The following PLPPR1 variants were observed in gnomAD, a reference collection of about 807,000 sequenced individuals.
PLPPR1 encodes phospholipid phosphatase-related protein type 1.
A neutral mutation model predicts 33.1 loss-of-function variants in PLPPR1; 10 were observed. The observed-to-expected ratio is 0.30, with a 90% CI of 0.19 to 0.51. The LOEUF (loss-of-function observed/expected upper bound fraction) is 0.51, where lower values mean the gene tolerates loss of function less well. PLPPR1 is among the 20% of genes least tolerant of loss of function. PLPPR1 has a pLI of 0.97. For synonymous variants in PLPPR1, 151 were observed against 151.0 expected (o/e 1.00, Z 0.00); for missense variants, 304 against 408.1 (o/e 0.74, Z 2.20).
intron 2 of PLPPR1, among the ~76,000 whole-genome samples, chr9:101,263,687 T>C (rs1411810549): frequency 2.0e-5 from 3 of 152,130 alleles, no homozygotes; most frequent in Non-Finnish European, 2.9e-5. Flanking sequence ...AGAGAGATAT[T>C]TATAGTAATC....
chr9:101,102,149 TATTTTA>T lies in PLPPR1; in HGVS notation c.-46+73048_-46+73053del, dbSNP rs1347869978. On this transcript the variant is annotated intron_variant, in intron 1 of 7. Coordinates refer to ENST00000374874, the MANE Select transcript of PLPPR1 (RefSeq NM_207299.2). ...ATTATAGCTTTATTCTTTTTTTTTT[TATTTTA>T]TTATTATACTTTAAGTTTTAGGGTA... Among the ~76,000 whole-genome samples, 263 of 121,654 alleles carry T rather than the reference TATTTTA, an allele frequency of 2.2e-3. 5 individuals carry two copies. Among genetic ancestry groups the T allele is most frequent in the African/African-American group, 8.3e-3 (236 of 28,318 alleles). 79.8% of individuals were successfully genotyped at this position (121,654 alleles called of 152,430 possible).
intron 2 of PLPPR1, among the ~76,000 whole-genome samples, chr9:101,190,847 G>A (rs1826285593): frequency 6.6e-6 from 1 of 152,150 alleles, no homozygotes; most frequent in South Asian, 2.1e-4. Flanking sequence ...AGCACCTACA[G>A]GGAAAAGCTG....
intron 1 of PLPPR1, among the ~76,000 whole-genome samples, chr9:101,099,550 T>A (rs967609930): frequency 4.9e-4 from 75 of 152,290 alleles, no homozygotes; most frequent in African/African-American, 1.8e-3. Flanking sequence ...GATGGTTACA[T>A]CTGTACTGAA....
At chr9:101,037,907 C>T (rs1165239289) in intron 1 of PLPPR1, among the ~76,000 whole-genome samples, 1 of 147,998 alleles carries the variant, frequency 6.8e-6, no homozygotes, top group Non-Finnish European at 1.5e-5. Context: ...CAGACAGTTC[C>T]TGGCCAGGCT....
intron 1 of PLPPR1, among the ~76,000 whole-genome samples, chr9:101,115,243 C>T (rs1161204398): frequency 6.6e-6 from 1 of 152,218 alleles, no homozygotes; most frequent in Non-Finnish European, 1.5e-5. Context: ...TTCAGGAATG[C>T]ACGGGAAAAG....
At chr9:101,233,661 A>G (rs948667212) in intron 2 of PLPPR1, among the ~76,000 whole-genome samples, 2 of 151,860 alleles carry the variant, frequency 1.3e-5, no homozygotes, top group African/African-American at 4.8e-5. Context: ...ACCTTCTGAC[A>G]TGTAATGTTT....
chr9:101,303,780 T>A (rs1828796155), intron 4 of PLPPR1, among the ~76,000 whole-genome samples: 1 of 152,222 alleles, frequency 6.6e-6, no homozygotes, highest in Admixed American at 6.5e-5. Context: ...TTTTCTTTTT[T>A]AAAGTTCCAT....
intron 4 of PLPPR1, among the ~76,000 whole-genome samples, chr9:101,305,285 C>T (rs970933521): frequency 4.6e-5 from 7 of 151,962 alleles, no homozygotes; most frequent in African/African-American, 1.7e-4. Flanking sequence ...AAACATACTC[C>T]ATATGAAGGT....
Position 101,324,362 on chromosome 9 carries a change from A to C in PLPPR1, c.*305A>C, listed in dbSNP as rs1236301170. The stretch of plus-strand genomic sequence containing the variant: ...CGTTGTTTTGTGATATTTGTACACA[A>C]ATTTTCTTTTCTCAGTTTTATAAAC... On this transcript the variant is annotated 3_prime_UTR_variant, in exon 8 of 8. Transcript: ENST00000374874. 3.7e-6 allele frequency: 1 copy of C among 272,104 alleles called. No homozygotes were observed. Among genetic ancestry groups the C allele is most frequent in the East Asian group, 6.5e-5 (1 of 15,474 alleles). The allele number at this position is 272,104 out of a possible 1,614,324, so 16.9% of individuals were successfully genotyped here.
At chr9:101,181,907 T>C (rs1826121432) in intron 1 of PLPPR1, among the ~76,000 whole-genome samples, 1 of 150,132 alleles carries the variant, frequency 6.7e-6, no homozygotes, top group Non-Finnish European at 1.5e-5. Context: ...TATACACATA[T>C]ATATAGTGTG....
intron 4 of PLPPR1, among the ~76,000 whole-genome samples, chr9:101,308,488 G>A (rs1332066581): frequency 6.6e-6 from 1 of 152,186 alleles, no homozygotes; most frequent in Admixed American, 6.5e-5. Flanking sequence ...GTCTGAAGGG[G>A]ATACATTTGT....
intron 1 of PLPPR1, among the ~76,000 whole-genome samples, chr9:101,174,588 G>T (rs1314509891): frequency 6.6e-6 from 1 of 152,126 alleles, no homozygotes; most frequent in South Asian, 2.1e-4. Flanking sequence ...AAAGAGGTTT[G>T]TTCCCCTCCT....
At chr9:101,153,748 T>G (rs1472959308) in intron 1 of PLPPR1, among the ~76,000 whole-genome samples, 1 of 112,760 alleles carries the variant, frequency 8.9e-6, no homozygotes, top group Non-Finnish European at 1.9e-5. Context: ...CTATTTTTTT[T>G]GTATTTTTTT....
intron 1 of PLPPR1, among the ~76,000 whole-genome samples, chr9:101,101,310 T>G (rs182513483): frequency 1.3e-3 from 193 of 152,160 alleles, no homozygotes; most frequent in Non-Finnish European, 9.0e-4. Flanking sequence ...TGTCCTTGGG[T>G]TTTCTGGCTT....
intron 1 of PLPPR1, among the ~76,000 whole-genome samples, chr9:101,139,079 A>C (rs952524074): frequency 8.5e-5 from 13 of 152,166 alleles, no homozygotes; most frequent in African/African-American, 3.1e-4. Context: ...ATCATGTTTA[A>C]TGATACCAAT....
At chr9:101,240,409 A>ACTGTTTTTTTTTTTTTTTTTTTTTTTT (rs1564012614) in intron 2 of PLPPR1, among the ~76,000 whole-genome samples, 8 of 151,682 alleles carry the variant, frequency 5.3e-5, no homozygotes, top group African/African-American at 1.9e-4. Flanking sequence ...AAATTTTAGA[A>ACTGTTTTTTTTTTTTTTTTTTTTTTTT]TTGTTTTTTT....
intron 2 of PLPPR1, among the ~76,000 whole-genome samples, chr9:101,241,642 A>G (rs1390379837): frequency 2.0e-5 from 3 of 152,062 alleles, no homozygotes; most frequent in Non-Finnish European, 4.4e-5. Flanking sequence ...CTACTCAGCC[A>G]TTGGCTGGGG....
chr9:101,198,835 G>A (rs1826443609), intron 2 of PLPPR1, among the ~76,000 whole-genome samples: 1 of 152,238 alleles, frequency 6.6e-6, no homozygotes, highest in African/African-American at 2.4e-5. Flanking sequence ...TTTCAAGGCT[G>A]GAGCTTAGAG....
chr9:101,221,517 C>T lies in PLPPR1; in HGVS notation c.63+35960C>T, dbSNP rs571048269. 3.9e-5 allele frequency among the ~76,000 whole-genome samples: 6 copies of T among 152,300 alleles called. No individual in the cohort carries two copies. The East Asian group carries it at 1.2e-3, about 29-fold the overall frequency. ...GACTGACCCCCTGCAAGTAGTACAGCACTTCATTCTTCAAGGGGAAAAGAA... is the reference window on the plus strand; with the variant it reads ...GACTGACCCCCTGCAAGTAGTACAGTACTTCATTCTTCAAGGGGAAAAGAA... On this transcript the variant is annotated intron_variant, in intron 2 of 7. Coordinates refer to ENST00000374874, the MANE Select transcript of PLPPR1 (RefSeq NM_207299.2).
Sources: allele counts gnomAD v4.1 joint callset (sites outside exome capture counted in the v4.1 genomes callset), GRCh38; gene constraint gnomAD v4.1.1; transcripts MANE v1.5; gene names NCBI Gene and HGNC (gene_info 2026-07-23, HGNC 2026-07-21).